TRIM33: variants seen among roughly 807,000 people sequenced by gnomAD.
The protein encoded by TRIM33 is E3 ubiquitin-protein ligase TRIM33.
A neutral mutation model predicts 125.4 loss-of-function variants in TRIM33; 20 were observed. The observed-to-expected ratio is 0.16, with a 90% CI of 0.11 to 0.23. TRIM33 has a LOEUF of 0.23. Among genes scored for constraint, TRIM33 ranks in the 10% least tolerant of loss-of-function variants. The pLI is 1.00. For synonymous variants in TRIM33, 564 were observed against 513.9 expected (o/e 1.10, Z -1.32); for missense variants, 920 against 1,411.4 (o/e 0.65, Z 5.58).
At chr1:114,447,359 G>A (rs927528391) in intron 4 of TRIM33, among the ~76,000 whole-genome samples, 1 of 151,906 alleles carries the variant, frequency 6.6e-6, no homozygotes, top group Non-Finnish European at 1.5e-5. Flanking sequence ...AAGTAGAGTC[G>A]AGGATGGTGC....
Position 114,469,968 on chromosome 1 carries a change from CAGTA to C in TRIM33, c.527-5584_527-5581del, listed in dbSNP as rs539559148. ...AGAGTAACATATATTTAGATAATGT[CAGTA>C]AGTATTTCCAAAGTTAATTTTATCA... On this transcript the variant is annotated intron_variant, in intron 1 of 19. Coordinates refer to ENST00000358465, the MANE Select transcript of TRIM33 (RefSeq NM_015906.4). Among the ~76,000 whole-genome samples the C allele has an allele frequency of 8.5e-5, 13 of 152,250 alleles. No individual in the cohort carries two copies. The South Asian group carries it at 2.5e-3, about 29-fold the overall frequency.
chr1:114,454,409 G>C (rs941795718), intron 4 of TRIM33, among the ~76,000 whole-genome samples: 7 of 152,146 alleles, frequency 4.6e-5, no homozygotes, highest in African/African-American at 1.7e-4. Flanking sequence ...AAGTAGGCCA[G>C]GCATGGTGGC....
intron 4 of TRIM33, among the ~76,000 whole-genome samples, chr1:114,447,815 A>G (rs986993026): frequency 1.3e-5 from 2 of 152,264 alleles, no homozygotes; most frequent in African/African-American, 2.4e-5. Context: ...TACTGCTGAT[A>G]CAATAAGGTA....
intron 10 of TRIM33, among the ~76,000 whole-genome samples, chr1:114,423,349 G>A (rs1647329124): frequency 6.6e-6 from 1 of 152,050 alleles, no homozygotes; most frequent in African/African-American, 2.4e-5. Context: ...CTCTGTTGAA[G>A]AAGTAGAAGT....
intron 2 of TRIM33, 52 bp from the exon 3 acceptor site, chr1:114,463,608 TAA>T (rs34437690): frequency 0.016 from 13,463 of 820,888 alleles, 9 homozygotes; most frequent in South Asian, 0.039. Context: ...AATCTAGATC[TAA>T]AAAAAAAAAA....
chr1:114,406,550 TTC>T (rs1652254753), intron 14 of TRIM33, among the ~76,000 whole-genome samples: 1 of 152,196 alleles, frequency 6.6e-6, no homozygotes, highest in Non-Finnish European at 1.5e-5. Context: ...ATCAATAAAT[TTC>T]TTTCATGTCA....
chr1:114,465,758 A>T (rs1311698600), intron 1 of TRIM33, among the ~76,000 whole-genome samples: 1 of 152,210 alleles, frequency 6.6e-6, no homozygotes, highest in Non-Finnish European at 1.5e-5. Context: ...ATAAATAAAA[A>T]GAGCCGGGCG....
Position 114,395,357 on chromosome 1 carries a change from G to A in TRIM33, c.*2291C>T, listed in dbSNP as rs529189706. ...AAAACCTAAAAACTCTATCTAACAT[G>A]TAATTTTAAGGAAACACAATTATTT... On this transcript the variant is annotated 3_prime_UTR_variant, in exon 20 of 20. Transcript: ENST00000358465. The A allele has an allele frequency of 8.4e-5, 17 of 201,622 alleles. No homozygotes were observed. The East Asian group carries it at 1.2e-3, about 15-fold the overall frequency. 12.5% of individuals were successfully genotyped at this position (201,622 alleles called of 1,614,324 possible).
intron 1 of TRIM33, among the ~76,000 whole-genome samples, chr1:114,486,776 A>C (rs1651725469): frequency 6.6e-6 from 1 of 152,098 alleles, no homozygotes; most frequent in Non-Finnish European, 1.5e-5. Context: ...GAAGGAGAGG[A>C]GTACATAAAA....
At chr1:114,439,252 T>C (rs897610243) in intron 4 of TRIM33, among the ~76,000 whole-genome samples, 1 of 152,052 alleles carries the variant, frequency 6.6e-6, no homozygotes, top group African/African-American at 2.4e-5. Context: ...GGTGGGCAGA[T>C]CACGAGGTCA....
chr1:114,405,225 T>C (rs1652159026), intron 15 of TRIM33, 185 bp downstream of exon 15: 1 of 559,362 alleles, frequency 1.8e-6, no homozygotes, highest in Non-Finnish European at 3.1e-6. Context: ...AACATTAATG[T>C]ACTACTTAGA....
chr1:114,473,968 C>T (rs528561931), intron 1 of TRIM33, among the ~76,000 whole-genome samples: 9 of 152,168 alleles, frequency 5.9e-5, no homozygotes, highest in South Asian at 2.1e-4. Context: ...AGTGCAGTGG[C>T]GCTCACTGCA....
rs1335080663 is a variant in TRIM33, at chr1:114,511,121, C to T, written c.-45G>A. On this transcript the variant is annotated 5_prime_UTR_variant, in exon 1 of 20. Transcript: ENST00000358465. ...CCGGACCGCCCCGCGCCGCCCGCCG[C>T]CCGCGTCGCCGCCGCCGCCGCCCCC... The T allele has an allele frequency of 1.8e-5, 20 of 1,120,824 alleles. No individual in the cohort carries two copies. Among genetic ancestry groups the T allele is most frequent in the African/African-American group, 6.6e-5 (4 of 60,190 alleles). 69.4% of individuals were successfully genotyped at this position (1,120,824 alleles called of 1,614,324 possible). A position where few individuals can be genotyped will look rare whatever the true frequency, so the allele number is the denominator to read the frequency against.
chr1:114,413,881 G>C (rs936946028), intron 11 of TRIM33, among the ~76,000 whole-genome samples: 5 of 151,938 alleles, frequency 3.3e-5, no homozygotes, highest in African/African-American at 9.7e-5. Flanking sequence ...TTAAAAATTA[G>C]CCAGGCATGG....
At chr1:114,401,659 TG>T (rs1651901267) in intron 16 of TRIM33, among the ~76,000 whole-genome samples, 196 bp from the exon 17 acceptor site, 1 of 152,202 alleles carries the variant, frequency 6.6e-6, no homozygotes, top group Non-Finnish European at 1.5e-5. Flanking sequence ...GACTATCTTT[TG>T]TTCTACTTTA....
At chr1:114,463,001 A>G (rs1650083891) in intron 4 of TRIM33, 103 bp downstream of exon 4, 7 of 875,840 alleles carry the variant, frequency 8.0e-6, no homozygotes, top group Non-Finnish European at 1.1e-5. Context: ...CAGATTTAAA[A>G]GATTAAGACA....
At chr1:114,490,084 C>CAAAAAAAAAAAAAAAAAAAAAAA (rs776451339) in intron 1 of TRIM33, among the ~76,000 whole-genome samples, 6 of 37,634 alleles carry the variant, frequency 1.6e-4, no homozygotes, top group African/African-American at 4.1e-4. Context: ...GACTCCGTCT[C>CAAAAAAAAAAAAAAAAAAAAAAA]AAAAAAAAAA....
At position 114,425,589 on chromosome 1, in the gene TRIM33, T is replaced by C. The variant is rs899918599; in HGVS notation, c.1555A>G (p.Met519Val). The change falls in exon 9 of 20, where the codon ATG becomes GTG. Residue 519 changes from methionine (M) to valine (V), a missense_variant. Physicochemically the swap from Met to Val is conservative, Grantham distance 21. Transcript: ENST00000358465. ...INLAQLRLQH[M>V]QQQVYAQKHQ... is the part of the protein sequence containing the mutation. The stretch of plus-strand genomic sequence containing the variant: ...TTCTGTGCATATACTTGTTGTTGCA[T>C]GTGCTGGAGTCGAAGCTGTGCTAAG... 5 of 1,614,066 alleles carry C rather than the reference T, an allele frequency of 3.1e-6. No individual in the cohort carries two copies. The highest frequency in any genetic ancestry group is 3.4e-6 in the Non-Finnish European group (4 of 1,180,028).
chr1:114,510,462 G>T, intron 1 of TRIM33, 89 bp downstream of exon 1: 1 of 1,281,318 alleles, frequency 7.8e-7, no homozygotes, highest in Non-Finnish European at 1.0e-6. Flanking sequence ...CGTCCGAGCA[G>T]CCCCAGGCCC....
Sources: allele counts gnomAD v4.1 joint callset (sites outside exome capture counted in the v4.1 genomes callset), GRCh38; gene constraint gnomAD v4.1.1; transcripts MANE v1.5; gene names NCBI Gene and HGNC (gene_info 2026-07-23, HGNC 2026-07-21).